The following KNTC1 variants were observed in gnomAD, a reference collection of about 807,000 sequenced individuals.
KNTC1 encodes the protein kinetochore-associated protein 1.
A neutral mutation model predicts 314.4 loss-of-function variants in KNTC1; 253 were observed. That is an observed-to-expected ratio of 0.80 (90% confidence interval 0.73 to 0.89). The LOEUF (loss-of-function observed/expected upper bound fraction) is 0.89. KNTC1 is among the 40% of genes least tolerant of loss of function. KNTC1 has a pLI of 0.00. For missense variants in KNTC1, 2,475 were observed against 2,572.9 expected (o/e 0.96, Z 0.82); for synonymous variants, 901 against 901.4 (o/e 1.00, Z 0.01).
At chr12:122,615,352 TATC>T in intron 56 of KNTC1, 115 bp from the exon 57 acceptor site, 1 of 893,730 alleles carries the variant, frequency 1.1e-6, no homozygotes, top group Non-Finnish European at 1.7e-6. Flanking sequence ...CTCTGGCAGT[TATC>T]ATGGAAGATA....
chr12:122,554,087 A>ATG (rs1435804351), intron 16 of KNTC1, among the ~76,000 whole-genome samples: 1 of 144,708 alleles, frequency 6.9e-6, no homozygotes, highest in African/African-American at 2.5e-5. Flanking sequence ...ATATATATAT[A>ATG]TATATATATA....
intron 8 of KNTC1, 96 bp from the exon 9 acceptor site, chr12:122,546,080 A>T: frequency 1.4e-6 from 1 of 707,852 alleles, no homozygotes; most frequent in Non-Finnish European, 2.5e-6. Context: ...TATATTTTAA[A>T]ATTAGTAACC....
At chr12:122,617,771 A>G (rs971821204) in intron 57 of KNTC1, among the ~76,000 whole-genome samples, 2 of 152,352 alleles carry the variant, frequency 1.3e-5, no homozygotes, top group Non-Finnish European at 1.5e-5. Flanking sequence ...GATTTTAGTC[A>G]TCTGGAATAT....
Position 122,575,524 on chromosome 12 carries a change from A to T in KNTC1, c.2383-19A>T, listed in dbSNP as rs201043076. ...TAAACCTGAGGGCTGTTCCTTGTCC[A>T]TGCGTGCATCTTTTGTAGCTCATAT... On this transcript the variant is annotated intron_variant, in intron 27 of 63. Coordinates refer to ENST00000333479, the MANE Select transcript of KNTC1 (RefSeq NM_014708.6). 33 of 1,548,548 alleles carry T rather than the reference A, an allele frequency of 2.1e-5. No individual in the cohort carries two copies. The Middle Eastern group carries it at 1.2e-3, about 56-fold the overall frequency.
At position 122,571,036 on chromosome 12, in the gene KNTC1, A is replaced by G. The variant is rs374253853; in HGVS notation, c.1929A>G (p.Pro643=). The G allele has an allele frequency of 1.2e-5, 19 of 1,613,522 alleles. No homozygotes were observed. The highest frequency in any genetic ancestry group is 4.5e-5 in the East Asian group (2 of 44,836). ...AATCTTTTTTAAAGGCAAATTGGCC[A>G]GAAAATGGACTTCAATTGGCAGAGA... The part of the protein sequence containing the change: ...NLELTDKANW[P]ENGLQLAEIF... Residue 643 remains proline, a synonymous_variant, in exon 24 of 64, where the codon CCA becomes CCG. Coordinates refer to ENST00000333479, the MANE Select transcript of KNTC1 (RefSeq NM_014708.6).
chr12:122,585,775 G>T lies in KNTC1; in HGVS notation c.3673+1G>T. The stretch of plus-strand genomic sequence containing the variant: ...ATTTCATCTCTTGTGCCTCTAGCTG[G>T]TAAGTCTTATTTGTATCATTATTTT... On this transcript the variant is annotated splice_donor_variant, in intron 37 of 63. Transcript: ENST00000333479. LOFTEE classifies it high-confidence loss of function. 1 of 1,613,244 alleles carries T rather than the reference G, an allele frequency of 6.2e-7. No individual in the cohort carries two copies. Among genetic ancestry groups the T allele is most frequent in the South Asian group, 1.1e-5 (1 of 91,062 alleles).
intron 38 of KNTC1, 46 bp from the exon 39 acceptor site, chr12:122,587,665 C>T (rs1869553431): frequency 2.7e-6 from 4 of 1,480,676 alleles, no homozygotes; most frequent in African/African-American, 1.4e-5. Flanking sequence ...TATGATCTTT[C>T]TTTGTTTAAA....
chr12:122,553,854 A>G (rs1242602131), intron 16 of KNTC1, among the ~76,000 whole-genome samples: 1 of 152,074 alleles, frequency 6.6e-6, no homozygotes, highest in Non-Finnish European at 1.5e-5. Flanking sequence ...TTCAACTACT[A>G]CAGAGAAGAT....
intron 2 of KNTC1, among the ~76,000 whole-genome samples, chr12:122,533,570 ATG>A (rs1170302807): frequency 2.0e-5 from 3 of 152,014 alleles, no homozygotes; most frequent in Non-Finnish European, 4.4e-5. Flanking sequence ...GATGGTGTGC[ATG>A]TGTAGTCCCA....
Position 122,570,908 on chromosome 12 carries a change from C to T in KNTC1, c.1893C>T (p.Ala631=), listed in dbSNP as rs541677633. The T allele has an allele frequency of 1.9e-6, 3 of 1,563,782 alleles. No homozygotes were observed. The South Asian group carries it at 3.5e-5, about 18-fold the overall frequency. ...IILAKWLEQA[A]RNLELTDKAN... The stretch of plus-strand genomic sequence containing the variant: ...TTGCAAAATGGTTGGAACAAGCAGC[C>T]AGGAACCTTGAATTAACTGATAAGG... Residue 631 remains alanine, a synonymous_variant, in exon 23 of 64, where the codon GCC becomes GCT. Coordinates refer to ENST00000333479, the MANE Select transcript of KNTC1 (RefSeq NM_014708.6).
At chr12:122,572,139 C>T (rs912743977) in intron 24 of KNTC1, among the ~76,000 whole-genome samples, 1 of 152,090 alleles carries the variant, frequency 6.6e-6, no homozygotes, top group Non-Finnish European at 1.5e-5. Context: ...CGCCTGTAAT[C>T]CCAGCACTTT....
intron 12 of KNTC1, among the ~76,000 whole-genome samples, chr12:122,548,995 C>T (rs527927948): frequency 2.0e-5 from 3 of 152,184 alleles, no homozygotes; most frequent in South Asian, 2.1e-4. Context: ...ATAAGTCATA[C>T]GGTAACAGAC....
At chr12:122,577,059 T>C (rs1176661315) in intron 30 of KNTC1, 30 bp downstream of exon 30, 16 of 1,459,674 alleles carry the variant, frequency 1.1e-5, no homozygotes, top group Non-Finnish European at 1.4e-5. Flanking sequence ...TCATTTCATA[T>C]GGCTTCTTTG....
intron 2 of KNTC1, among the ~76,000 whole-genome samples, chr12:122,530,861 G>A (rs1300642354): frequency 6.6e-6 from 1 of 152,154 alleles, no homozygotes; most frequent in East Asian, 1.9e-4. Context: ...CCAGAGTCAA[G>A]CACCCTGCTG....
chr12:122,541,336 T>TTCCTTCC, intron 5 of KNTC1, among the ~76,000 whole-genome samples: 1 of 68,948 alleles, frequency 1.5e-5, no homozygotes, highest in Non-Finnish European at 2.9e-5. Flanking sequence ...GTCCTTCCTC[T>TTCCTTCC]GTCTCTCCCT....
In KNTC1 at chr12:122,615,003, G is replaced by A. The variant is rs777150263; in HGVS notation, c.5890G>A (p.Val1964Met). 6.2e-6 allele frequency: 10 copies of A among 1,612,610 alleles called. No individual in the cohort carries two copies. In the East Asian group the frequency reaches 2.2e-4, roughly 36 times the overall value. ...TTTTTGGCTTCAGGCAGTAAGATTG[G>A]TGACTGAGCTGTGTTTAGAATACAA... ...HSHESMAVRL[V>M]TELCLEYKIY... Residue 1964 changes from valine to methionine, a missense_variant, in exon 56 of 64, where the codon GTG becomes ATG. Physicochemically the swap from Val to Met is conservative, Grantham distance 21 (BLOSUM62 1). Coordinates refer to ENST00000333479, the MANE Select transcript of KNTC1 (RefSeq NM_014708.6).
chr12:122,613,724 T>G lies in KNTC1; in HGVS notation c.5840T>G (p.Ile1947Ser). Residue 1947 changes from isoleucine to serine, a missense_variant, in exon 55 of 64, where the codon ATT becomes AGT. Physicochemically the swap from Ile to Ser is moderately radical, Grantham distance 142 (BLOSUM62 -2). Coordinates refer to ENST00000333479, the MANE Select transcript of KNTC1 (RefSeq NM_014708.6). ...LFCSSPKEGM[I>S]KGLWKNHSHE... The stretch of plus-strand genomic sequence containing the variant: ...TGCAGCAGTCCTAAAGAAGGAATGA[T>G]TAAGGGTCTGTGGAAAAACCACAGC... The G allele has an allele frequency of 6.2e-7, 1 of 1,612,762 alleles. No individual in the cohort carries two copies. Among genetic ancestry groups the G allele is most frequent in the Non-Finnish European group, 8.5e-7 (1 of 1,179,484 alleles).
chr12:122,577,422 G>A (rs1208364249), intron 30 of KNTC1, among the ~76,000 whole-genome samples: 1 of 152,118 alleles, frequency 6.6e-6, no homozygotes, highest in Non-Finnish European at 1.5e-5. Context: ...GGCTTAAAAT[G>A]TGCATGACAG....
intron 51 of KNTC1, among the ~76,000 whole-genome samples, chr12:122,608,497 A>G (rs1000233690): frequency 1.3e-5 from 2 of 152,126 alleles, no homozygotes; most frequent in Non-Finnish European, 2.9e-5. Flanking sequence ...TTTTTAAAGT[A>G]TTTACCAAGA....
Sources: gnomAD v4.1 joint callset for allele counts (sites outside exome capture counted in the v4.1 genomes callset) on GRCh38, gnomAD v4.1.1 for gene constraint, MANE v1.5 for transcripts, NCBI Gene and HGNC (gene_info 2026-07-23, HGNC 2026-07-21) for gene names.